CELF2: variants seen among roughly 807,000 people sequenced by gnomAD.
CELF2 encodes the protein CUG triplet repeat RNA-binding protein 2.
Under a neutral mutation model 62.6 loss-of-function variants are expected in CELF2, and 8 were observed. That is an observed-to-expected ratio of 0.13 (90% CI 0.07 to 0.23). The LOEUF is 0.23. Ranked by LOEUF, CELF2 falls within the 10% of genes least tolerant of loss-of-function variation. The pLI is 1.00. For synonymous variants in CELF2, 258 were observed against 250.0 expected, an observed-to-expected ratio of 1.03 and a Z score of -0.30; for missense variants, 333 against 671.0, an observed-to-expected ratio of 0.50 and a Z score of 5.56.
At chr10:10,572,434 C>T in the CELF2 span, among the ~76,000 whole-genome samples, 15 of 151,676 alleles carry the variant, frequency 9.9e-5, no homozygotes, top group Admixed American at 2.6e-4. Flanking sequence ...GGTGGTTTGC[C>T]GCACCTATCA....
In CELF2 at chr10:11,212,338, C is replaced by T. The variant is rs143970332; in HGVS notation, c.272-5087C>T. On this transcript the variant is annotated intron_variant, in intron 2 of 12. Transcript: ENST00000633077. Reference sequence around the variant, plus strand: ...TGCCCCGAGATGCTCCCTGTGAGGCCCCCCCGGGCCTGCCTTCACAGACAA... The same window carrying T: ...TGCCCCGAGATGCTCCCTGTGAGGCTCCCCCGGGCCTGCCTTCACAGACAA... Among the ~76,000 whole-genome samples the T allele has an allele frequency of 3.3e-5, 5 of 152,046 alleles. No homozygotes were observed. In the East Asian group the frequency reaches 5.8e-4, roughly 18 times the overall value.
At chr10:10,966,613 C>T (rs542782014) in intron 2 of CELF2, 2 of 152,342 alleles carry the variant, frequency 1.3e-5, no homozygotes, top group African/African-American at 2.4e-5. Flanking sequence ...CACACATTCT[C>T]CTTCCTTTCT....
At chr10:11,273,805 T>C (rs550099565) in intron 7 of CELF2, among the ~76,000 whole-genome samples, 1 of 151,950 alleles carries the variant, frequency 6.6e-6, no homozygotes, top group South Asian at 2.1e-4. Context: ...CACTGCAGCC[T>C]CCATCTCCCA....
chr10:11,011,340 A>C lies in CELF2; in HGVS notation c.53+5900A>C, dbSNP rs1470060332. The stretch of plus-strand genomic sequence containing the variant: ...AACAAAGAGTAGACAGTGAATGAGG[A>C]GGGGTCAAGTGGCGAGATGCAGAGA... On this transcript the variant is annotated intron_variant, in intron 1 of 12. Coordinates refer to the CELF2 transcript ENST00000416382. This position sits in a 1 kb window ranked among gnomAD's most constrained non-coding sequence, Gnocchi z 4.6. Among the ~76,000 whole-genome samples the C allele has an allele frequency of 6.6e-6, 1 of 151,700 alleles. No individual in the cohort carries two copies. Among genetic ancestry groups the C allele is most frequent in the East Asian group, 1.9e-4 (1 of 5,148 alleles).
At chr10:11,134,199 A>G (rs561729594) in intron 1 of CELF2, among the ~76,000 whole-genome samples, 3 of 152,326 alleles carry the variant, frequency 2.0e-5, no homozygotes, top group African/African-American at 7.2e-5. Context: ...ATTAGAGGAG[A>G]TAAATAACAC....
chr10:10,634,391 T>C, the CELF2 span, among the ~76,000 whole-genome samples: 1 of 152,152 alleles, frequency 6.6e-6, no homozygotes, highest in Non-Finnish European at 1.5e-5. Context: ...TTATTTTGTA[T>C]ATTAATTTCC....
intron 9 of CELF2, among the ~76,000 whole-genome samples, chr10:11,289,557 A>T (rs567205208): frequency 3.9e-5 from 6 of 152,226 alleles, no homozygotes; most frequent in African/African-American, 1.4e-4. Context: ...AAGACATTTC[A>T]CCTGGGGGAT....
chr10:11,196,306 G>A (rs558108386), intron 2 of CELF2, among the ~76,000 whole-genome samples: 66 of 152,318 alleles, frequency 4.3e-4, no homozygotes, highest in South Asian at 1.7e-3. Flanking sequence ...GGGTTTTTAC[G>A]CTAAAGAACA....
In CELF2 at chr10:11,280,764, A is replaced by G. The variant is rs1334495176; in HGVS notation, c.841+5644A>G. 6.6e-6 allele frequency among the ~76,000 whole-genome samples: 1 copy of G among 152,068 alleles called. No individual in the cohort carries two copies. Among genetic ancestry groups the G allele is most frequent in the African/African-American group, 2.4e-5 (1 of 41,408 alleles). Reference sequence around the variant, plus strand: ...ACAGAGGCCGCTCTGGGTGGGGGAAACGGTGCCCTCACTGCCCTCCAGCCT... The same window carrying G: ...ACAGAGGCCGCTCTGGGTGGGGGAAGCGGTGCCCTCACTGCCCTCCAGCCT... On this transcript the variant is annotated intron_variant, in intron 8 of 12. Transcript: ENST00000633077. This position sits in a 1 kb window ranked among gnomAD's most constrained non-coding sequence, Gnocchi z 7.6.
chr10:11,037,687 A>G (rs1256216631), intron 1 of CELF2, among the ~76,000 whole-genome samples: 2 of 152,190 alleles, frequency 1.3e-5, no homozygotes, highest in Non-Finnish European at 2.9e-5. Context: ...TTGTTTATTC[A>G]TCCATTTATT....
At chr10:10,586,048 A>G in the CELF2 span, among the ~76,000 whole-genome samples, 1 of 152,226 alleles carries the variant, frequency 6.6e-6, no homozygotes, top group East Asian at 1.9e-4. Context: ...AAATTTTACA[A>G]TTAGCCTTTC....
At position 11,311,059 on chromosome 10, in the gene CELF2, A is replaced by G. The variant is rs1249740487; in HGVS notation, c.977-3080A>G. On this transcript the variant is annotated intron_variant, in intron 9 of 12. Coordinates refer to ENST00000633077, the MANE Select transcript of CELF2 (RefSeq NM_001326342.2). This position sits in a 1 kb window ranked among gnomAD's most constrained non-coding sequence, Gnocchi z 4.7. ...ACAAGGAAGTCCAAGGCTCCTGTGC[A>G]GTATCTAATAGGAGACCCTCCCCAT... 2.0e-5 allele frequency among the ~76,000 whole-genome samples: 3 copies of G among 152,310 alleles called. No homozygotes were observed. The South Asian group carries it at 6.2e-4, about 32-fold the overall frequency.
chr10:11,219,071 G>C (rs902494945), intron 3 of CELF2, among the ~76,000 whole-genome samples: 1 of 152,204 alleles, frequency 6.6e-6, no homozygotes, highest in South Asian at 2.1e-4. Context: ...AAAATTACTT[G>C]AGACAGTGAA....
chr10:11,005,028 T>C, upstream of CELF2: 1 of 985,210 alleles, frequency 1.0e-6, no homozygotes, highest in Non-Finnish European at 1.2e-6. This position sits in a 1 kb window ranked among gnomAD's most constrained non-coding sequence, Gnocchi z 4.3. Context: ...GTTGTTTTTT[T>C]TGTTCCCCCA....
At chr10:10,549,556 T>A in the CELF2 span, among the ~76,000 whole-genome samples, 1 of 152,230 alleles carries the variant, frequency 6.6e-6, no homozygotes, top group Non-Finnish European at 1.5e-5. Context: ...TGTGCTGGGA[T>A]TACAGGCGTG....
rs1331195868 is a variant in CELF2 at position 11,220,240 on chromosome 10, T to C, written c.354+2733T>C. ...CAAGATCAAATAATGCTAGGGTTTT[T>C]TCCGATGTAATTTTCTTTTGCAGTT... On this transcript the variant is annotated intron_variant, in intron 3 of 12. Coordinates refer to ENST00000633077, the MANE Select transcript of CELF2 (RefSeq NM_001326342.2). The surrounding 1 kb of genome is among the most constrained non-coding windows in gnomAD (Gnocchi z 4.4). Among the ~76,000 whole-genome samples the C allele has an allele frequency of 6.6e-6, 1 of 152,228 alleles. No individual in the cohort carries two copies. The highest frequency in any genetic ancestry group is 1.5e-5 in the Non-Finnish European group (1 of 68,036).
chr10:11,088,271 G>A (rs1024018720), intron 1 of CELF2, among the ~76,000 whole-genome samples: 1 of 152,224 alleles, frequency 6.6e-6, no homozygotes. Context: ...AGAGTGAACA[G>A]CATGAGTGAG....
chr10:10,905,807 G>A (rs2063292322), intron 1 of CELF2, among the ~76,000 whole-genome samples: 1 of 151,966 alleles, frequency 6.6e-6, no homozygotes. Flanking sequence ...GAACCCAGGA[G>A]GCGGAGCTTG....
chr10:10,716,260 T>C, the CELF2 span, among the ~76,000 whole-genome samples: 5 of 152,244 alleles, frequency 3.3e-5, no homozygotes, highest in South Asian at 2.1e-4. Flanking sequence ...GTTAAAATCA[T>C]TGAGGCCGGG....
Sources: gnomAD v4.1 joint callset for allele counts (sites outside exome capture counted in the v4.1 genomes callset) on GRCh38, gnomAD v4.1.1 for gene constraint, Gnocchi (gnomAD v3.1) non-coding constraint, MANE v1.5 for transcripts, NCBI Gene and HGNC (gene_info 2026-07-23, HGNC 2026-07-21) for gene names.